Variants in IFT140 observed in about 807,000 individuals in gnomAD.
IFT140 encodes the protein intraflagellar transport protein 140 homolog.
A neutral mutation model predicts 164.6 loss-of-function variants in IFT140; 133 were observed. The observed-to-expected ratio is 0.81, with a 90% confidence interval of 0.70 to 0.93. IFT140 has a LOEUF of 0.93. IFT140 is among the 40% of genes least tolerant of loss of function. The probability of loss-of-function intolerance (pLI) is 0.00; values close to 1 mark genes in which losing one functional copy is unlikely to be tolerated. For missense variants in IFT140, 2,045 were observed against 1,972.3 expected, an observed-to-expected ratio of 1.04 and a Z score of -0.70; for synonymous variants, 860 against 817.3, an observed-to-expected ratio of 1.05 and a Z score of -0.89.
At position 1,520,299 on chromosome 16, in the gene IFT140, C is replaced by A. The variant is rs748820042; in HGVS notation, c.3705G>T (p.Thr1235=). 1 of 1,614,210 alleles carries A rather than the reference C, an allele frequency of 6.2e-7. No individual in the cohort carries two copies. Among genetic ancestry groups the A allele is most frequent in the Admixed American group, 1.7e-5 (1 of 60,030 alleles). The part of the protein sequence containing the change: ...LLKSGDTEKI[T]FFASVSRQKE... Reference sequence around the variant, plus strand: ...TCTGCCTGGACACGCTCGCGAAGAACGTGATTTTCTCCGTGTCTCCGGATT... The same window carrying A: ...TCTGCCTGGACACGCTCGCGAAGAAAGTGATTTTCTCCGTGTCTCCGGATT... The change falls in exon 28 of 31, where the codon ACG becomes ACT. Residue 1235 remains threonine, a synonymous_variant. Coordinates refer to ENST00000426508, the MANE Select transcript of IFT140 (RefSeq NM_014714.4).
intron 19 of IFT140, chr16:1,532,467 T>A (rs1277011572): frequency 6.6e-6 from 1 of 152,250 alleles, no homozygotes; most frequent in African/African-American, 2.4e-5. Context: ...GCTTCACCTG[T>A]GGATATACAG....
At chr16:1,544,385 C>T (rs2141317357) in intron 19 of IFT140, among the ~76,000 whole-genome samples, 1 of 152,090 alleles carries the variant, frequency 6.6e-6, no homozygotes, top group South Asian at 2.1e-4. Flanking sequence ...TGGGGTTTCA[C>T]TATGTTCGCC....
intron 19 of IFT140, chr16:1,555,166 C>A: frequency 9.6e-7 from 1 of 1,039,022 alleles, no homozygotes; most frequent in Non-Finnish European, 1.4e-6. Flanking sequence ...GCCATGCGTG[C>A]GAGACACGTG....
At chr16:1,542,158 G>A (rs968758890) in intron 19 of IFT140, 2 of 1,414,010 alleles carry the variant, frequency 1.4e-6, no homozygotes, top group East Asian at 2.6e-5. Context: ...GAGGCCTTGG[G>A]TGGCCTGGGG....
intron 3 of IFT140, among the ~76,000 whole-genome samples, chr16:1,605,103 AGAAG>A (rs1245737525): frequency 6.6e-6 from 1 of 152,110 alleles, no homozygotes; most frequent in African/African-American, 2.4e-5. Flanking sequence ...AGATCACAGG[AGAAG>A]GAAGAAATGG....
chr16:1,513,312 AC>A (rs1271685866), intron 30 of IFT140: 1 of 152,170 alleles, frequency 6.6e-6, no homozygotes, highest in Admixed American at 6.5e-5. Flanking sequence ...ACACGGTGAA[AC>A]CCCGTCTCTA....
At chr16:1,591,804 G>A (rs1291739783) in intron 6 of IFT140, among the ~76,000 whole-genome samples, 1 of 152,150 alleles carries the variant, frequency 6.6e-6, no homozygotes, top group African/African-American at 2.4e-5. Context: ...CCAAGTACCT[G>A]GCATACAATA....
intron 3 of IFT140, 113 bp downstream of exon 3, chr16:1,607,007 C>T (rs1031728924): frequency 2.3e-5 from 24 of 1,030,670 alleles, no homozygotes; most frequent in Non-Finnish European, 3.4e-5. Context: ...CATGTATACA[C>T]ACACACACCC....
rs897444009 is a variant in IFT140 at position 1,561,928 on chromosome 16, C to G, written c.2199+57G>C. 9.5e-6 allele frequency: 14 copies of G among 1,472,794 alleles called. No individual in the cohort carries two copies. The Middle Eastern group carries it at 6.5e-4, about 69-fold the overall frequency. 91.2% of individuals were successfully genotyped at this position (1,472,794 alleles called of 1,614,324 possible). A position where few individuals can be genotyped will look rare whatever the true frequency, so the allele number is the denominator to read the frequency against. On this transcript the variant is annotated intron_variant, in intron 18 of 30. Transcript: ENST00000426508. ...AGCTCCCTGGGACGCTTGCAAGAGCCCAGCCAGGCAAGGGGAGAGATCAGA... is the reference window on the plus strand; with the variant it reads ...AGCTCCCTGGGACGCTTGCAAGAGCGCAGCCAGGCAAGGGGAGAGATCAGA...
intron 2 of IFT140, among the ~76,000 whole-genome samples, chr16:1,608,097 T>C (rs957089947): frequency 3.7e-5 from 5 of 133,952 alleles, no homozygotes; most frequent in Non-Finnish European, 8.0e-5. Flanking sequence ...AGTCTTCCTC[T>C]ATTAGAGAGT....
At chr16:1,537,194 GACA>G (rs1444641180) in intron 19 of IFT140, among the ~76,000 whole-genome samples, 1 of 151,506 alleles carries the variant, frequency 6.6e-6, no homozygotes, top group Non-Finnish European at 1.5e-5. Context: ...AGCCAGGGAA[GACA>G]ACGTCACACC....
chr16:1,597,210 A>C (rs1166472323), intron 4 of IFT140, among the ~76,000 whole-genome samples: 1 of 152,196 alleles, frequency 6.6e-6, no homozygotes, highest in Non-Finnish European at 1.5e-5. Flanking sequence ...GTTCCCCAGA[A>C]GGCGTGAGTG....
At chr16:1,557,681 G>T (rs1333802114) in intron 19 of IFT140, 1 of 506,096 alleles carries the variant, frequency 2.0e-6, no homozygotes, top group Admixed American at 3.3e-5. Flanking sequence ...AGATGTTTAG[G>T]AACGGCAGAA....
intron 13 of IFT140, chr16:1,577,283 G>A (rs1018630397): frequency 1.3e-5 from 2 of 152,162 alleles, no homozygotes; most frequent in Admixed American, 6.5e-5. Context: ...TTAGGGTATC[G>A]ATAAACACAG....
In IFT140 at chr16:1,525,922, C is replaced by T. The variant is rs762573583; in HGVS notation, c.2733G>A (p.Leu911=). Residue 911 remains leucine (L), a synonymous_variant, in exon 21 of 31, where the codon CTG becomes CTA. Transcript: ENST00000426508. The part of the protein sequence containing the change: ...RSTYHRYAGH[L]EASADCSRAL... ...CCCGGCTGCAGTCGGCGCTGGCCTC[C>T]AGGTGCCCGGCATAGCGGTGGTAGG... The T allele has an allele frequency of 4.5e-6, 7 of 1,566,740 alleles. No homozygotes were observed. In the South Asian group the frequency reaches 8.2e-5, roughly 18 times the overall value.
rs759941270 is a variant in IFT140, at chr16:1,586,166, G to T, written c.1119C>A (p.Thr373=). 2 of 1,613,896 alleles carry T rather than the reference G, an allele frequency of 1.2e-6. No homozygotes were observed. Among genetic ancestry groups the T allele is most frequent in the South Asian group, 2.2e-5 (2 of 91,078 alleles). The change falls in exon 10 of 31, where the codon ACC becomes ACA. Residue 373 remains threonine, a synonymous_variant. Transcript: ENST00000426508. ...AEGKDRWALQ[T]PTELQGNITQ... The stretch of plus-strand genomic sequence containing the variant: ...TGATGTTTCCTTGGAGCTCGGTAGG[G>T]GTCTGAAGGGCCCACCTGTCCTTGC...
chr16:1,583,231 G>A, intron 12 of IFT140, 83 bp downstream of exon 12: 2 of 1,204,820 alleles, frequency 1.7e-6, no homozygotes, highest in South Asian at 2.5e-5. Flanking sequence ...GCCCTCAACT[G>A]CACCACAGTG....
Position 1,523,638 on chromosome 16 carries a change from C to T in IFT140, c.3333G>A (p.Gln1111=). 1.2e-6 allele frequency: 2 copies of T among 1,613,992 alleles called. No homozygotes were observed. The highest frequency in any genetic ancestry group is 1.7e-6 in the Non-Finnish European group (2 of 1,180,018). Residue 1111 remains glutamine, a synonymous_variant, in exon 26 of 31, where the codon CAG becomes CAA. Transcript: ENST00000426508. The stretch of plus-strand genomic sequence containing the variant: ...TCTCATCCAGGTCCTCTGCTATGAG[C>T]TGTAGGGCCACAAACTGCTGGGTGG... The part of the protein sequence containing the change: ...AFATQQFVAL[Q]LIAEDLDETS...
chr16:1,534,541 G>C (rs780085186), intron 19 of IFT140: 2 of 1,604,238 alleles, frequency 1.2e-6, no homozygotes, highest in Non-Finnish European at 1.7e-6. Context: ...CAGGAGTCCC[G>C]AGGCACCGTC....
Sources: allele counts gnomAD v4.1 joint callset (sites outside exome capture counted in the v4.1 genomes callset), GRCh38; gene constraint gnomAD v4.1.1; transcripts MANE v1.5; gene names NCBI Gene and HGNC (gene_info 2026-07-23, HGNC 2026-07-21).